ABCC9: variants seen among roughly 807,000 people sequenced by gnomAD.
ABCC9 encodes ATP-binding cassette sub-family C member 9.
A neutral mutation model predicts 188.3 loss-of-function variants in ABCC9; 95 were observed. That is an observed-to-expected ratio of 0.50 (90% CI 0.43 to 0.60). ABCC9 has a LOEUF of 0.60. Among genes scored for constraint, ABCC9 ranks in the 20% least tolerant of loss-of-function variants. The pLI, the probability that ABCC9 is intolerant of heterozygous loss-of-function variation, is 0.00. For synonymous variants in ABCC9, 659 were observed against 652.7 expected (o/e 1.01, Z -0.15); for missense variants, 1,102 against 1,876.3 (o/e 0.59, Z 7.62).
chr12:21,905,602 A>T (rs915776734), intron 12 of ABCC9, among the ~76,000 whole-genome samples: 1 of 152,106 alleles, frequency 6.6e-6, no homozygotes, highest in Non-Finnish European at 1.5e-5. Context: ...TTTGTGGCAA[A>T]GTTTTCTCGG....
intron 2 of ABCC9, among the ~76,000 whole-genome samples, chr12:21,937,122 G>A (rs1321735618): frequency 6.6e-6 from 1 of 152,098 alleles, no homozygotes; most frequent in East Asian, 1.9e-4. Context: ...AACAACAAAA[G>A]TTGTTCAGTA....
chr12:21,887,802 C>T (rs773005729), intron 15 of ABCC9, 24 bp downstream of exon 15: 2 of 1,497,550 alleles, frequency 1.3e-6, no homozygotes, highest in East Asian at 4.5e-5. Flanking sequence ...TTCACAACTT[C>T]CAAAACAAAA....
In ABCC9 at chr12:21,844,938, A is replaced by C. The variant is rs1285744389; in HGVS notation, c.3097-23T>G. The C allele has an allele frequency of 8.1e-6, 13 of 1,612,950 alleles. No individual in the cohort carries two copies. In the African/African-American group the frequency reaches 1.5e-4, roughly 18 times the overall value. The stretch of plus-strand genomic sequence containing the variant: ...GGTCTAAAAAGCAACCAACACAAAA[A>C]GCACATAGGAAATTATCAATGGAGT... On this transcript the variant is annotated intron_variant, in intron 26 of 39. Coordinates refer to ENST00000261200, the MANE Select transcript of ABCC9 (RefSeq NM_020297.4).
intron 31 of ABCC9, 85 bp from the exon 32 acceptor site, chr12:21,818,336 G>A: frequency 1.0e-6 from 1 of 981,706 alleles, no homozygotes; most frequent in Non-Finnish European, 1.6e-6. Flanking sequence ...TGATCACTAA[G>A]AGAATACACA....
intron 15 of ABCC9, among the ~76,000 whole-genome samples, chr12:21,885,097 A>G (rs1236120718): frequency 6.6e-6 from 1 of 152,162 alleles, no homozygotes; most frequent in African/African-American, 2.4e-5. Flanking sequence ...CACAGATGTA[A>G]TATGAAGAGA....
intron 5 of ABCC9, among the ~76,000 whole-genome samples, chr12:21,919,644 C>T (rs1453743990): frequency 6.6e-6 from 1 of 151,804 alleles, no homozygotes; most frequent in Non-Finnish European, 1.5e-5. Context: ...CCTCCCTTAG[C>T]CCAAATTCCA....
chr12:21,939,937 G>A (rs1949630317), intron 2 of ABCC9, among the ~76,000 whole-genome samples: 1 of 152,160 alleles, frequency 6.6e-6, no homozygotes, highest in African/African-American at 2.4e-5. Flanking sequence ...CACACATCTA[G>A]AACATATACA....
chr12:21,908,307 A>T (rs1478955835), intron 10 of ABCC9, 96 bp from the exon 11 acceptor site: 12 of 1,421,806 alleles, frequency 8.4e-6, no homozygotes, highest in Non-Finnish European at 1.2e-5. Context: ...AGTATTTCTT[A>T]ATTATTATAT....
At chr12:21,890,736 C>T (rs758309785) in intron 14 of ABCC9, among the ~76,000 whole-genome samples, 18 of 151,524 alleles carry the variant, frequency 1.2e-4, no homozygotes, top group East Asian at 7.8e-4. Context: ...AACGAAACAC[C>T]GCATGTTCTC....
At chr12:21,878,793 A>G (rs1946491261) in intron 16 of ABCC9, among the ~76,000 whole-genome samples, 1 of 152,146 alleles carries the variant, frequency 6.6e-6, no homozygotes, top group South Asian at 2.1e-4. Flanking sequence ...AGAAGGAACA[A>G]CATCCATACA....
chr12:21,800,466 A>G lies in ABCC9; in HGVS notation c.*578T>C, dbSNP rs1024943987. On this transcript the variant is annotated 3_prime_UTR_variant, in exon 40 of 40. Transcript: ENST00000261200. ...TCTAGATAAGGCTTTGGCCTTATAG[A>G]ATAAGTATAAGTGTGATAACTTCTT... 6.5e-6 allele frequency: 1 copy of G among 153,132 alleles called. No homozygotes were observed. The highest frequency in any genetic ancestry group is 1.5e-5 in the Non-Finnish European group (1 of 68,712). The allele number at this position is 153,132 out of a possible 1,614,324, so 9.5% of individuals were successfully genotyped here. A position where few individuals can be genotyped will look rare whatever the true frequency, so the allele number is the denominator to read the frequency against.
chr12:21,912,154 T>C (rs963566547), intron 8 of ABCC9, among the ~76,000 whole-genome samples: 1 of 151,954 alleles, frequency 6.6e-6, no homozygotes, highest in African/African-American at 2.4e-5. Flanking sequence ...AACATTTTTA[T>C]ACGTGATGGA....
Position 21,859,652 on chromosome 12 carries a change from A to G in ABCC9, c.2439T>C (p.Ser813=), listed in dbSNP as rs1945405035. 1.2e-6 allele frequency: 2 copies of G among 1,613,712 alleles called. No homozygotes were observed. Among genetic ancestry groups the G allele is most frequent in the Non-Finnish European group, 1.7e-6 (2 of 1,179,844 alleles). ...TEIGERGINL[S]GGQRQRICVA... ...CACAGATTCTCTGCCTCTGTCCCCC[A>G]CTCAGGTTGATGCCCTAGAGAAGAG... Residue 813 remains serine, a synonymous_variant, in exon 22 of 40, where the codon AGT becomes AGC. Transcript: ENST00000261200.
chr12:21,856,111 T>C (rs560845819), intron 22 of ABCC9, among the ~76,000 whole-genome samples: 1 of 152,342 alleles, frequency 6.6e-6, no homozygotes, highest in East Asian at 1.9e-4. Context: ...CATGCCTAGG[T>C]CACAGAACTA....
intron 25 of ABCC9, 36 bp downstream of exon 25, chr12:21,848,114 C>A: frequency 1.3e-6 from 2 of 1,575,752 alleles, no homozygotes; most frequent in Admixed American, 1.7e-5. Context: ...CCTGTTATCC[C>A]ATTAGAATGT....
intron 11 of ABCC9, among the ~76,000 whole-genome samples, chr12:21,907,248 A>G (rs185056165): frequency 6.6e-6 from 1 of 152,166 alleles, no homozygotes; most frequent in Non-Finnish European, 1.5e-5. Flanking sequence ...TGCTGGAGTA[A>G]AAAGGATAGC....
chr12:21,908,300 A>G (rs1948137011), intron 10 of ABCC9, 89 bp from the exon 11 acceptor site: 8 of 1,442,882 alleles, frequency 5.5e-6, no homozygotes, highest in African/African-American at 2.9e-5. Context: ...CAAATGTAGT[A>G]TTTCTTAATT....
At chr12:21,878,137 TG>T (rs1946455143) in intron 16 of ABCC9, among the ~76,000 whole-genome samples, 1 of 152,158 alleles carries the variant, frequency 6.6e-6, no homozygotes, top group African/African-American at 2.4e-5. Flanking sequence ...GGTGACCAAG[TG>T]TGAATCCAAA....
intron 5 of ABCC9, chr12:21,925,261 C>A (rs902448907): frequency 1.5e-5 from 7 of 467,564 alleles, no homozygotes; most frequent in Non-Finnish European, 2.7e-5. Context: ...CATATAGATG[C>A]GTTATATAAT....
Sources: allele counts gnomAD v4.1 joint callset (sites outside exome capture counted in the v4.1 genomes callset), GRCh38; gene constraint gnomAD v4.1.1; transcripts MANE v1.5; gene names NCBI Gene and HGNC (gene_info 2026-07-23, HGNC 2026-07-21).